The following ELAVL2 variants were observed in gnomAD, a reference collection of about 807,000 sequenced individuals.
ELAVL2 encodes the protein ELAV-like protein 2.
A neutral mutation model predicts 34.6 loss-of-function variants in ELAVL2; 4 were observed. The observed-to-expected ratio is 0.12, with a 90% CI of 0.06 to 0.26. ELAVL2 has a LOEUF of 0.26. Ranked by LOEUF, ELAVL2 falls within the 10% of genes least tolerant of loss-of-function variation. The probability of loss-of-function intolerance (pLI) is 1.00; values close to 1 mark genes in which losing one functional copy is unlikely to be tolerated. For missense variants in ELAVL2, 432 were observed against 442.8 expected, an observed-to-expected ratio of 0.98 and a Z score of 0.22; for synonymous variants, 193 against 154.8, an observed-to-expected ratio of 1.25 and a Z score of -1.83.
intron 2 of ELAVL2, among the ~76,000 whole-genome samples, chr9:23,749,492 C>A (rs994294603): frequency 6.6e-5 from 10 of 151,848 alleles, no homozygotes; most frequent in Non-Finnish European, 1.2e-4. Context: ...CGCAGATGGG[C>A]TAAATTAGTT....
chr9:23,826,341 T>A (rs1467299314), upstream of ELAVL2: 2 of 152,426 alleles, frequency 1.3e-5, no homozygotes, highest in African/African-American at 4.8e-5. Flanking sequence ...CAGGCTCCTA[T>A]CCCGGGCAGC....
chr9:23,785,550 A>G (rs2059578359), intron 1 of ELAVL2, among the ~76,000 whole-genome samples: 1 of 152,232 alleles, frequency 6.6e-6, no homozygotes, highest in African/African-American at 2.4e-5. Context: ...GATAGTGTGA[A>G]AACAAAAATA....
intron 6 of ELAVL2, 136 bp from the exon 7 acceptor site, chr9:23,693,020 T>G (rs888214112): frequency 3.7e-6 from 3 of 817,356 alleles, no homozygotes; most frequent in Non-Finnish European, 5.6e-6. Flanking sequence ...ATAAACTATT[T>G]CATGTTTTGA....
At chr9:23,739,235 A>T (rs959598134) in intron 2 of ELAVL2, among the ~76,000 whole-genome samples, 1 of 152,190 alleles carries the variant, frequency 6.6e-6, no homozygotes, top group Non-Finnish European at 1.5e-5. Flanking sequence ...AAAGTGACTG[A>T]GATAGTGTAG....
chr9:23,810,012 C>T (rs1016283843), intron 1 of ELAVL2, among the ~76,000 whole-genome samples: 2 of 152,182 alleles, frequency 1.3e-5, no homozygotes. Context: ...TTTCTAAAAT[C>T]CTGCCTGATT....
chr9:23,820,683 T>C (rs573214820), intron 1 of ELAVL2, among the ~76,000 whole-genome samples: 3 of 152,184 alleles, frequency 2.0e-5, no homozygotes, highest in African/African-American at 7.2e-5. Context: ...GAGGAGCACC[T>C]GCCAGTGAAC....
chr9:23,692,800 A>G lies in ELAVL2; in HGVS notation c.837T>C (p.Phe279=). Residue 279 remains phenylalanine, a synonymous_variant, in exon 7 of 7, where the codon TTT becomes TTC. Transcript: ENST00000397312. ...CTGCGTCAGGAGCCAGGTTGTACAC[A>G]AATATACACCACCCTGTTCCAGGGT... ...PGHPGTGWCI[F]VYNLAPDADE... 1 of 1,614,180 alleles carries G rather than the reference A, an allele frequency of 6.2e-7. No homozygotes were observed.
chr9:23,801,000 A>C (rs934293918), intron 1 of ELAVL2, among the ~76,000 whole-genome samples: 1 of 151,446 alleles, frequency 6.6e-6, no homozygotes, highest in African/African-American at 2.4e-5. Flanking sequence ...AATAAACTTT[A>C]CAGCTGGGCC....
At chr9:23,791,372 A>C (rs776341947) in intron 1 of ELAVL2, among the ~76,000 whole-genome samples, 9 of 152,212 alleles carry the variant, frequency 5.9e-5, no homozygotes, top group Non-Finnish European at 1.2e-4. Context: ...GCCTCGAGAA[A>C]TTAAATACCC....
chr9:23,848,655 A>T, the ELAVL2 span, among the ~76,000 whole-genome samples: 1 of 152,214 alleles, frequency 6.6e-6, no homozygotes, highest in Admixed American at 6.5e-5. Flanking sequence ...TTGCAATACA[A>T]TCATTTTTTA....
intron 1 of ELAVL2, chr9:23,783,502 G>C (rs1034036422): frequency 2.0e-6 from 2 of 985,290 alleles, no homozygotes; most frequent in South Asian, 9.4e-5. Context: ...ATTGAATAAA[G>C]GCATCAGGAA....
At chr9:23,796,401 T>G (rs2060933903) in intron 1 of ELAVL2, among the ~76,000 whole-genome samples, 1 of 152,228 alleles carries the variant, frequency 6.6e-6, no homozygotes, top group African/African-American at 2.4e-5. Flanking sequence ...CTTTGAGACA[T>G]CACATAAAAG....
chr9:23,845,373 A>T, the ELAVL2 span, among the ~76,000 whole-genome samples: 1 of 151,932 alleles, frequency 6.6e-6, no homozygotes, highest in Admixed American at 6.6e-5. Flanking sequence ...ACATCAAGGG[A>T]TGAAACAGAA....
chr9:23,768,101 G>C (rs1460523034), intron 1 of ELAVL2, among the ~76,000 whole-genome samples: 3 of 152,148 alleles, frequency 2.0e-5, no homozygotes, highest in East Asian at 3.9e-4. Flanking sequence ...TTCCCAGGTA[G>C]ACTTTCTAAA....
intron 1 of ELAVL2, among the ~76,000 whole-genome samples, chr9:23,784,642 G>A (rs1221021338): frequency 6.6e-6 from 1 of 152,182 alleles, no homozygotes; most frequent in Non-Finnish European, 1.5e-5. Context: ...CAGAGATCTT[G>A]AAACCCATCT....
chr9:23,757,937 A>G (rs534962504), intron 2 of ELAVL2, among the ~76,000 whole-genome samples: 30 of 152,260 alleles, frequency 2.0e-4, no homozygotes, highest in African/African-American at 6.5e-4. Flanking sequence ...TCCTAACTAG[A>G]TATTTTTGTT....
At chr9:23,776,185 G>T (rs999240856) in intron 1 of ELAVL2, among the ~76,000 whole-genome samples, 1 of 152,182 alleles carries the variant, frequency 6.6e-6, no homozygotes, top group Non-Finnish European at 1.5e-5. Context: ...GGAAAAAGGG[G>T]AAAGTAGGCT....
At chr9:23,695,077 G>C (rs899317614) in intron 5 of ELAVL2, among the ~76,000 whole-genome samples, 5 of 152,264 alleles carry the variant, frequency 3.3e-5, no homozygotes, top group African/African-American at 1.2e-4. Context: ...AAAAGATGTG[G>C]GGTTTTATTT....
intron 1 of ELAVL2, among the ~76,000 whole-genome samples, chr9:23,764,597 C>T (rs2136106542): frequency 6.6e-6 from 1 of 152,234 alleles, no homozygotes; most frequent in South Asian, 2.1e-4. Context: ...GCCAGATTTA[C>T]AATTTCAACT....
Sources: allele counts gnomAD v4.1 joint callset (sites outside exome capture counted in the v4.1 genomes callset), GRCh38; gene constraint gnomAD v4.1.1; transcripts MANE v1.5; gene names NCBI Gene and HGNC (gene_info 2026-07-23, HGNC 2026-07-21).